The following CDC42SE2 variants were observed in gnomAD, a reference collection of about 807,000 sequenced individuals.
CDC42SE2 encodes the protein CDC42 small effector 2, also known as CDC42 small effector protein 2.
CDC42SE2 carries 3 observed loss-of-function variants against 11.5 expected under a neutral mutation model. The ratio of observed to expected loss-of-function variants is 0.26; its 90% CI spans 0.12 to 0.67. The LOEUF is 0.67. Among genes scored for constraint, CDC42SE2 ranks in the 30% least tolerant of loss-of-function variants. The pLI, the probability that CDC42SE2 is intolerant of heterozygous loss-of-function variation, is 0.80. For synonymous variants in CDC42SE2, 33 were observed against 34.8 expected, an observed-to-expected ratio of 0.95 and a Z score of 0.18; for missense variants, 82 against 106.8, an observed-to-expected ratio of 0.77 and a Z score of 1.02.
At chr5:131,318,063 C>G (rs922087344) in intron 2 of CDC42SE2, among the ~76,000 whole-genome samples, 1 of 152,110 alleles carries the variant, frequency 6.6e-6, no homozygotes, top group African/African-American at 2.4e-5. Context: ...GTCTCAGCCT[C>G]CCAAGTAGCT....
At chr5:131,238,269 G>T in the CDC42SE2 span, among the ~76,000 whole-genome samples, 1 of 151,898 alleles carries the variant, frequency 6.6e-6, no homozygotes, top group Non-Finnish European at 1.5e-5. Flanking sequence ...AGACCGAGGC[G>T]GATGGATCGC....
chr5:131,212,497 T>A, the CDC42SE2 span, among the ~76,000 whole-genome samples: 1 of 152,104 alleles, frequency 6.6e-6, no homozygotes, highest in East Asian at 1.9e-4. Context: ...ATGGGTAGAG[T>A]TTCTCATTCC....
At chr5:131,294,745 C>G (rs1048697622) in intron 1 of CDC42SE2, among the ~76,000 whole-genome samples, 13 of 151,962 alleles carry the variant, frequency 8.6e-5, no homozygotes, top group Admixed American at 5.3e-4. Flanking sequence ...TAATTCCAGC[C>G]CTTTGGGAGG....
intron 3 of CDC42SE2, among the ~76,000 whole-genome samples, chr5:131,367,634 C>CT (rs1749897880): frequency 6.6e-6 from 1 of 152,144 alleles, no homozygotes; most frequent in South Asian, 2.1e-4. Context: ...ATGGTTTCCT[C>CT]TTGTGTGAAA....
intron 2 of CDC42SE2, among the ~76,000 whole-genome samples, chr5:131,323,618 A>G (rs1758241336): frequency 1.6e-5 from 2 of 125,540 alleles, no homozygotes; most frequent in Non-Finnish European, 3.1e-5. Flanking sequence ...GGATATGTGT[A>G]CTTAACCCTA....
At chr5:131,232,115 A>AT in the CDC42SE2 span, among the ~76,000 whole-genome samples, 14 of 139,386 alleles carry the variant, frequency 1.0e-4, no homozygotes, top group East Asian at 4.3e-4. Flanking sequence ...TTTGTTACCT[A>AT]TTTTTTTTTT....
chr5:131,353,551 G>A (rs918594290), intron 2 of CDC42SE2, among the ~76,000 whole-genome samples: 7 of 152,108 alleles, frequency 4.6e-5, no homozygotes, highest in Admixed American at 2.0e-4. Flanking sequence ...CAAAGTGCTA[G>A]GATTACAGGT....
chr5:131,230,861 C>T, the CDC42SE2 span, among the ~76,000 whole-genome samples: 8 of 152,138 alleles, frequency 5.3e-5, no homozygotes, highest in African/African-American at 9.7e-5. Flanking sequence ...AATCTCTTAA[C>T]GAGAATAATG....
chr5:131,388,639 G>A (rs1399258382), intron 4 of CDC42SE2, among the ~76,000 whole-genome samples: 2 of 152,042 alleles, frequency 1.3e-5, no homozygotes, highest in Admixed American at 6.6e-5. Context: ...ACAACCTTGC[G>A]TTAAAATATT....
chr5:131,319,458 C>T (rs1329927745), intron 2 of CDC42SE2, among the ~76,000 whole-genome samples: 2 of 152,032 alleles, frequency 1.3e-5, no homozygotes, highest in African/African-American at 2.4e-5. Flanking sequence ...GCTGTTGTAC[C>T]CCCATAGACA....
intron 2 of CDC42SE2, among the ~76,000 whole-genome samples, chr5:131,337,447 T>C (rs988204272): frequency 3.5e-4 from 53 of 152,212 alleles, no homozygotes; most frequent in Admixed American, 3.3e-3. Flanking sequence ...GTCTGCCCGT[T>C]CTCAGATTTG....
In CDC42SE2 at chr5:131,311,144, CA is replaced by C. The variant is rs1365537461; in HGVS notation, c.-454-4827del. ...TCTTTTAGGGCAGGCCTGGTGGTGA[CA>C]AAAATCTCTCAGCATTTGCTTGTCT... On this transcript the variant is annotated intron_variant, in intron 1 of 4. Transcript: ENST00000505065. 4.0e-4 allele frequency among the ~76,000 whole-genome samples: 60 copies of C among 151,894 alleles called. 1 individual carries two copies. The highest frequency in any genetic ancestry group is 7.7e-4 in the Non-Finnish European group (52 of 67,938).
At chr5:131,347,099 A>T (rs1289787047) in intron 2 of CDC42SE2, among the ~76,000 whole-genome samples, 4 of 152,218 alleles carry the variant, frequency 2.6e-5, no homozygotes. Context: ...TAGAGAAGCA[A>T]GAGCAAACAC....
At chr5:131,286,179 T>C (rs975315208) in intron 1 of CDC42SE2, among the ~76,000 whole-genome samples, 4 of 151,252 alleles carry the variant, frequency 2.6e-5, no homozygotes, top group African/African-American at 9.7e-5. Context: ...GCCCAAGCAG[T>C]CCTCCCCGGC....
Position 131,385,643 on chromosome 5 carries a change from C to T in CDC42SE2, c.155C>T (p.Ser52Leu), listed in dbSNP as rs367745744. 2.5e-6 allele frequency: 4 copies of T among 1,599,904 alleles called. No homozygotes were observed. Among genetic ancestry groups the T allele is most frequent in the African/African-American group, 2.7e-5 (2 of 74,606 alleles). ...GSGDLFSGMN[S>L]VSSIQNQMQS... Reference sequence around the variant, plus strand: ...GGAGACCTGTTCAGTGGAATGAATTCAGTAAGTATGTTGGTGGGACATGCA... The same window carrying T: ...GGAGACCTGTTCAGTGGAATGAATTTAGTAAGTATGTTGGTGGGACATGCA... Residue 52 changes from serine to leucine, a missense_variant and splice_region_variant, in exon 4 of 5, where the codon TCA becomes TTA. By Grantham distance (145) the Ser-to-Leu change is moderately radical. Coordinates refer to ENST00000505065, the MANE Select transcript of CDC42SE2 (RefSeq NM_001375635.1).
At chr5:131,252,424 C>T (rs1308695235) in intron 1 of CDC42SE2, among the ~76,000 whole-genome samples, 2 of 152,106 alleles carry the variant, frequency 1.3e-5, no homozygotes, top group East Asian at 1.9e-4. Context: ...GAGGCCGAGG[C>T]GGGTGGATTG....
chr5:131,262,648 A>G (rs910265809), upstream of CDC42SE2, among the ~76,000 whole-genome samples: 5 of 152,202 alleles, frequency 3.3e-5, no homozygotes, highest in African/African-American at 1.2e-4. Flanking sequence ...AAATCCTCTC[A>G]GGTCTCTAAT....
At chr5:131,296,779 A>G (rs1224742585) in intron 1 of CDC42SE2, among the ~76,000 whole-genome samples, 3 of 152,192 alleles carry the variant, frequency 2.0e-5, no homozygotes, top group Non-Finnish European at 4.4e-5. Flanking sequence ...CAGAGGCTTT[A>G]CAGTTTGATT....
chr5:131,270,599 A>G (rs190281339), intron 1 of CDC42SE2, among the ~76,000 whole-genome samples: 10 of 152,278 alleles, frequency 6.6e-5, no homozygotes, highest in African/African-American at 2.2e-4. Flanking sequence ...TACAACTTTC[A>G]CTGTGCCTTC....
Sources: gnomAD v4.1 joint callset for allele counts (sites outside exome capture counted in the v4.1 genomes callset) on GRCh38, gnomAD v4.1.1 for gene constraint, MANE v1.5 for transcripts, NCBI Gene and HGNC (gene_info 2026-07-23, HGNC 2026-07-21) for gene names.